Variants in SHB observed in about 807,000 individuals in gnomAD.
SHB encodes the protein SH2 domain-containing adapter protein B.
Under a neutral mutation model 52.3 loss-of-function variants are expected in SHB, and 20 were observed. The ratio of observed to expected loss-of-function variants is 0.38; its 90% confidence interval spans 0.27 to 0.56. SHB has a LOEUF of 0.56. Ranked by LOEUF, SHB falls within the 20% of genes least tolerant of loss-of-function variation. The pLI, the probability that SHB is intolerant of heterozygous loss-of-function variation, is 0.71. For synonymous variants in SHB, 397 were observed against 316.5 expected, an observed-to-expected ratio of 1.25 and a Z score of -2.70; for missense variants, 825 against 723.3, an observed-to-expected ratio of 1.14 and a Z score of -1.61.
chr9:37,932,471 C>G (rs771249101), intron 5 of SHB, among the ~76,000 whole-genome samples: 1 of 147,898 alleles, frequency 6.8e-6, no homozygotes, highest in Non-Finnish European at 1.5e-5. Flanking sequence ...GTCTAGAGAG[C>G]TGATGCACAA....
At chr9:38,010,029 G>A (rs945492753) in intron 2 of SHB, among the ~76,000 whole-genome samples, 2 of 152,134 alleles carry the variant, frequency 1.3e-5, no homozygotes, top group Admixed American at 1.3e-4. Flanking sequence ...CTAAAAAGGC[G>A]GCCTAAGTAA....
intron 5 of SHB, among the ~76,000 whole-genome samples, chr9:37,944,147 C>T (rs1401832960): frequency 6.6e-6 from 1 of 152,158 alleles, no homozygotes; most frequent in African/African-American, 2.4e-5. Context: ...TGTTCAAGGG[C>T]AATCAGGCAG....
rs755796167 is a variant in SHB, at chr9:37,917,641, A to G, written c.*2180T>C. On this transcript the variant is annotated 3_prime_UTR_variant, in exon 6 of 6. Transcript: ENST00000377707. Reference sequence around the variant, plus strand: ...GGGTCCAGGCTCCTCTGTTTGGCCAAGTGCCAACTCCTCACTCATCTTGTC... The same window carrying G: ...GGGTCCAGGCTCCTCTGTTTGGCCAGGTGCCAACTCCTCACTCATCTTGTC... Among the ~76,000 whole-genome samples, 1 of 152,240 alleles carries G rather than the reference A, an allele frequency of 6.6e-6. No individual in the cohort carries two copies. Among genetic ancestry groups the G allele is most frequent in the Non-Finnish European group, 1.5e-5 (1 of 68,050 alleles).
intron 1 of SHB, among the ~76,000 whole-genome samples, chr9:38,060,331 C>T (rs894884412): frequency 6.6e-6 from 1 of 152,112 alleles, no homozygotes; most frequent in Non-Finnish European, 1.5e-5. Context: ...TGTGCCAACA[C>T]GCCGAGCTAA....
intron 1 of SHB, among the ~76,000 whole-genome samples, chr9:38,063,795 G>GTTT (rs5897715): frequency 2.3e-5 from 3 of 129,872 alleles, no homozygotes; most frequent in Admixed American, 1.5e-4. Context: ...TTTGCTGGAT[G>GTTT]TTTTTTTTTT....
At chr9:38,044,221 G>A (rs1044459834) in intron 1 of SHB, among the ~76,000 whole-genome samples, 1 of 152,234 alleles carries the variant, frequency 6.6e-6, no homozygotes, top group South Asian at 2.1e-4. Context: ...TGGGGTGAGC[G>A]CGACACATGT....
At chr9:38,011,041 C>T (rs1489105121) in intron 2 of SHB, among the ~76,000 whole-genome samples, 1 of 152,248 alleles carries the variant, frequency 6.6e-6, no homozygotes, top group Admixed American at 6.5e-5. Context: ...TTTACCATGA[C>T]ACCACGGCTC....
At position 38,068,070 on chromosome 9, in the gene SHB, C is replaced by A. The variant is rs1268384793; in HGVS notation, c.576G>T (p.Ala192=). 4 of 1,491,750 alleles carry A rather than the reference C, an allele frequency of 2.7e-6. No individual in the cohort carries two copies. The African/African-American group carries it at 5.8e-5, about 22-fold the overall frequency. 92.4% of individuals were successfully genotyped at this position (1,491,750 alleles called of 1,614,324 possible). A position where few individuals can be genotyped will look rare whatever the true frequency, so the allele number is the denominator to read the frequency against. ...KHRLIKVESA[A]GGGAGDPLGG... Reference sequence around the variant, plus strand: ...CCAGGGGGTCCCCGGCCCCACCGCCCGCGGCGCTCTCCACTTTGATGAGGC... The same window carrying A: ...CCAGGGGGTCCCCGGCCCCACCGCCAGCGGCGCTCTCCACTTTGATGAGGC... The change falls in exon 1 of 6, where the codon GCG becomes GCT. Residue 192 remains alanine (A), a synonymous_variant. Coordinates refer to ENST00000377707, the MANE Select transcript of SHB (RefSeq NM_003028.3).
Position 37,927,524 on chromosome 9 carries a change from A to G in SHB, c.1347-7520T>C, listed in dbSNP as rs542722824. On this transcript the variant is annotated intron_variant, in intron 5 of 5. Transcript: ENST00000377707. ...CTTCAGTAAATCATGACAAAAAGCCATCTCTAGGCAGGAGAGCTGGCAGAT... is the reference window on the plus strand; with the variant it reads ...CTTCAGTAAATCATGACAAAAAGCCGTCTCTAGGCAGGAGAGCTGGCAGAT... 4.6e-5 allele frequency among the ~76,000 whole-genome samples: 7 copies of G among 152,322 alleles called. No individual in the cohort carries two copies. The South Asian group carries it at 1.0e-3, about 23-fold the overall frequency.
intron 5 of SHB, among the ~76,000 whole-genome samples, chr9:37,926,642 C>A (rs969501009): frequency 1.3e-5 from 2 of 152,244 alleles, no homozygotes; most frequent in African/African-American, 4.8e-5. Flanking sequence ...CGACCCCGTT[C>A]TCCCTCAATG....
intron 1 of SHB, among the ~76,000 whole-genome samples, chr9:38,022,109 A>G (rs1353721213): frequency 6.6e-6 from 1 of 152,198 alleles, no homozygotes; most frequent in Non-Finnish European, 1.5e-5. Context: ...CTTTAAGACT[A>G]TACATTAATT....
chr9:37,988,230 C>T (rs976580754), intron 2 of SHB, among the ~76,000 whole-genome samples: 6 of 152,132 alleles, frequency 3.9e-5, no homozygotes, highest in South Asian at 2.1e-4. Context: ...ATAACAATGA[C>T]GAGGCTGCCA....
intron 2 of SHB, among the ~76,000 whole-genome samples, chr9:37,998,365 C>T (rs927970259): frequency 6.6e-6 from 1 of 152,166 alleles, no homozygotes; most frequent in African/African-American, 2.4e-5. Context: ...CACAACCTCC[C>T]CCACCACCCT....
intron 2 of SHB, among the ~76,000 whole-genome samples, chr9:38,011,925 G>A (rs1312430468): frequency 1.3e-5 from 2 of 152,168 alleles, no homozygotes; most frequent in African/African-American, 4.8e-5. Flanking sequence ...GATGGGGATG[G>A]CAAGTGAGGC....
chr9:38,042,684 G>C (rs1375084114), intron 1 of SHB, among the ~76,000 whole-genome samples: 1 of 152,210 alleles, frequency 6.6e-6, no homozygotes, highest in African/African-American at 2.4e-5. Flanking sequence ...CTCTTGGAAG[G>C]CTGGGCCAAG....
chr9:38,061,784 C>CA (rs1235825801), intron 1 of SHB, among the ~76,000 whole-genome samples: 2 of 152,192 alleles, frequency 1.3e-5, no homozygotes, highest in East Asian at 3.9e-4. Context: ...AATGTACCGC[C>CA]AGTCTCTTCC....
intron 1 of SHB, among the ~76,000 whole-genome samples, chr9:38,067,468 G>C (rs184143541): frequency 0.013 from 2,019 of 152,234 alleles, 42 homozygotes; most frequent in Admixed American, 0.053. Flanking sequence ...GAGACAGCCG[G>C]TCCGGATCTG....
intron 4 of SHB, among the ~76,000 whole-genome samples, chr9:37,949,325 G>A (rs553979454): frequency 1.3e-3 from 199 of 150,254 alleles, no homozygotes; most frequent in African/African-American, 4.5e-3. Flanking sequence ...CCTGGGAGGC[G>A]GAGGTTGCAG....
intron 2 of SHB, among the ~76,000 whole-genome samples, chr9:38,006,150 C>T (rs540412414): frequency 2.6e-5 from 4 of 152,264 alleles, no homozygotes; most frequent in East Asian, 3.9e-4. Context: ...CCACCCTCTC[C>T]TCTCCCTTCC....
Sources: gnomAD v4.1 joint callset for allele counts (sites outside exome capture counted in the v4.1 genomes callset) on GRCh38, gnomAD v4.1.1 for gene constraint, MANE v1.5 for transcripts, NCBI Gene and HGNC (gene_info 2026-07-23, HGNC 2026-07-21) for gene names.